The following ZNF804A variants were observed in gnomAD, a reference collection of about 807,000 sequenced individuals.
The protein encoded by ZNF804A is zinc finger protein 804A.
A neutral mutation model predicts 16.5 loss-of-function variants in ZNF804A; 2 were observed. That is an observed-to-expected ratio of 0.12 (90% CI 0.05 to 0.38). The LOEUF is 0.38. ZNF804A is among the 10% of genes least tolerant of loss of function. ZNF804A has a pLI of 0.99. For synonymous variants in ZNF804A, 534 were observed against 489.6 expected, an observed-to-expected ratio of 1.09 and a Z score of -1.20; for missense variants, 1,473 against 1,390.7, an observed-to-expected ratio of 1.06 and a Z score of -0.94.
chr2:184,875,210 G>C (rs1440375559), intron 2 of ZNF804A, among the ~76,000 whole-genome samples: 1 of 152,162 alleles, frequency 6.6e-6, no homozygotes, highest in African/African-American at 2.4e-5. Context: ...AGAGCTATGT[G>C]TTAGATAGAG....
chr2:184,749,543 C>A (rs958344466), intron 1 of ZNF804A, among the ~76,000 whole-genome samples: 3 of 151,284 alleles, frequency 2.0e-5, no homozygotes, highest in Non-Finnish European at 4.4e-5. Context: ...TTGACTTCTT[C>A]TTTTCCTATT....
intron 1 of ZNF804A, among the ~76,000 whole-genome samples, chr2:184,674,441 G>C (rs1574156943): frequency 6.6e-6 from 1 of 151,864 alleles, no homozygotes; most frequent in African/African-American, 2.4e-5. Flanking sequence ...AAATAAAAAA[G>C]AGAACATGAT....
chr2:184,722,486 A>G (rs369817318), intron 1 of ZNF804A, among the ~76,000 whole-genome samples: 2 of 152,078 alleles, frequency 1.3e-5, no homozygotes, highest in Non-Finnish European at 2.9e-5. Context: ...GAAATTTCAT[A>G]TCTATAAATA....
At chr2:184,639,099 A>T (rs1258933164) in intron 1 of ZNF804A, among the ~76,000 whole-genome samples, 3 of 116,798 alleles carry the variant, frequency 2.6e-5, no homozygotes, top group African/African-American at 6.9e-5. Flanking sequence ...TTTGAGACAG[A>T]GTCTCACTTT....
chr2:184,603,894 C>G (rs1341844391), intron 1 of ZNF804A, among the ~76,000 whole-genome samples: 1 of 152,024 alleles, frequency 6.6e-6, no homozygotes, highest in East Asian at 1.9e-4. Context: ...TCTAGTGAAA[C>G]TTTACTACAT....
chr2:184,695,465 T>TTAAAAAA (rs1188268647), intron 1 of ZNF804A, among the ~76,000 whole-genome samples: 3 of 51,854 alleles, frequency 5.8e-5, no homozygotes, highest in Admixed American at 2.7e-4. Context: ...ACTCCGTCAT[T>TTAAAAAA]AAAAAAAAAA....
rs1039452485 is a variant in ZNF804A, at chr2:184,802,188, G to A, written c.112-64181G>A. Reference sequence around the variant, plus strand: ...TTGTATTGGCCTTTGTCCCTAGTATGTGAATTTCACAAGTTTTGCTTCACC... The same window carrying A: ...TTGTATTGGCCTTTGTCCCTAGTATATGAATTTCACAAGTTTTGCTTCACC... On this transcript the variant is annotated intron_variant, in intron 1 of 3. Coordinates refer to ENST00000302277, the MANE Select transcript of ZNF804A (RefSeq NM_194250.2). 5.3e-5 allele frequency among the ~76,000 whole-genome samples: 8 copies of A among 152,256 alleles called. 1 individual carries two copies. The highest frequency in any genetic ancestry group is 3.3e-4 in the Admixed American group (5 of 15,294).
At chr2:184,719,693 C>T (rs534325545) in intron 1 of ZNF804A, among the ~76,000 whole-genome samples, 4 of 152,246 alleles carry the variant, frequency 2.6e-5, no homozygotes, top group South Asian at 2.1e-4. Context: ...CACCTTTGCT[C>T]CAGTTCCCAA....
At chr2:184,642,775 G>T (rs115805095) in intron 1 of ZNF804A, among the ~76,000 whole-genome samples, 1 of 152,116 alleles carries the variant, frequency 6.6e-6, no homozygotes, top group Non-Finnish European at 1.5e-5. Context: ...GATGGAAGAA[G>T]TCTAAAGAGC....
intron 1 of ZNF804A, among the ~76,000 whole-genome samples, chr2:184,669,402 C>G (rs1426652771): frequency 6.6e-6 from 1 of 151,938 alleles, no homozygotes; most frequent in Admixed American, 6.6e-5. Context: ...TCTTATAAGC[C>G]GTAGTTCCTT....
chr2:184,710,223 A>G (rs1693104209), intron 1 of ZNF804A, among the ~76,000 whole-genome samples: 1 of 151,686 alleles, frequency 6.6e-6, no homozygotes, highest in African/African-American at 2.4e-5. Flanking sequence ...GTACGTGGGC[A>G]TGGGTGAACT....
chr2:184,878,411 C>T (rs939070290), intron 2 of ZNF804A, among the ~76,000 whole-genome samples: 4 of 151,880 alleles, frequency 2.6e-5, no homozygotes, highest in African/African-American at 4.8e-5. Flanking sequence ...TACTAGCTTC[C>T]GACTTCAATA....
intron 1 of ZNF804A, among the ~76,000 whole-genome samples, chr2:184,766,508 T>C (rs1694129919): frequency 6.6e-6 from 1 of 151,908 alleles, no homozygotes; most frequent in South Asian, 2.1e-4. Context: ...AGAGTGAATA[T>C]ATAACCTTGT....
intron 2 of ZNF804A, among the ~76,000 whole-genome samples, chr2:184,881,879 G>C (rs918251142): frequency 6.6e-6 from 1 of 151,980 alleles, no homozygotes; most frequent in African/African-American, 2.4e-5. Context: ...AAGTAAACAT[G>C]TAAACAAGTC....
Position 184,678,400 on chromosome 2 carries a change from T to G in ZNF804A, c.111+79330T>G, listed in dbSNP as rs994687825. 2.0e-5 allele frequency among the ~76,000 whole-genome samples: 3 copies of G among 152,284 alleles called. No individual in the cohort carries two copies. In the East Asian group the frequency reaches 5.8e-4, roughly 29 times the overall value. On this transcript the variant is annotated intron_variant, in intron 1 of 3. Transcript: ENST00000302277. ...TGATTTTCTGTATTATCATGCTTAT[T>G]TTTATATCAAGTCTATTTCCTACTA...
chr2:184,748,491 T>G (rs538102522), intron 1 of ZNF804A, among the ~76,000 whole-genome samples: 1 of 151,416 alleles, frequency 6.6e-6, no homozygotes, highest in Non-Finnish European at 1.5e-5. Context: ...TCCAGTTTGT[T>G]TATTTGTTTA....
intron 1 of ZNF804A, among the ~76,000 whole-genome samples, chr2:184,668,654 A>T (rs1692290229): frequency 6.6e-6 from 1 of 151,934 alleles, no homozygotes. Context: ...ACTTCAAGAG[A>T]TATTTGGAAA....
At chr2:184,827,349 A>G (rs1277551150) in intron 1 of ZNF804A, among the ~76,000 whole-genome samples, 2 of 149,638 alleles carry the variant, frequency 1.3e-5, no homozygotes, top group Non-Finnish European at 3.0e-5. Context: ...AACTTTTTAA[A>G]ATCAACATTG....
intron 1 of ZNF804A, among the ~76,000 whole-genome samples, chr2:184,779,734 G>A (rs1406256529): frequency 6.6e-6 from 1 of 151,694 alleles, no homozygotes; most frequent in East Asian, 1.9e-4. Flanking sequence ...AGGTGAAAAA[G>A]CAGATTCTCT....
Sources: allele counts gnomAD v4.1 joint callset (sites outside exome capture counted in the v4.1 genomes callset), GRCh38; gene constraint gnomAD v4.1.1; transcripts MANE v1.5; gene names NCBI Gene and HGNC (gene_info 2026-07-23, HGNC 2026-07-21).